The following SLC22A24 variants were observed in gnomAD, a reference collection of about 807,000 sequenced individuals.
SLC22A24 encodes solute carrier family 22 member 24.
A neutral mutation model predicts 49.8 loss-of-function variants in SLC22A24; 53 were observed. The ratio of observed to expected loss-of-function variants is 1.06; its 90% CI spans 0.85 to 1.34. The LOEUF (loss-of-function observed/expected upper bound fraction) is 1.34. Among genes scored for constraint, SLC22A24 ranks in the 40% most tolerant of loss-of-function variants. The pLI is 0.00. For synonymous variants in SLC22A24, 302 were observed against 256.4 expected (o/e 1.18, Z -1.70); for missense variants, 786 against 675.9 (o/e 1.16, Z -1.81).
chr11:63,113,113 C>CATATATATAT lies in SLC22A24; in HGVS notation c.830+5798_830+5799insATATATATAT. 1.3e-3 allele frequency among the ~76,000 whole-genome samples: 6 copies of CATATATATAT among 4,792 alleles called. 1 individual carries two copies. The highest frequency in any genetic ancestry group is 4.6e-3 in the Admixed American group (1 of 218). 3.1% of individuals were successfully genotyped at this position (4,792 alleles called of 152,430 possible). On this transcript the variant is annotated intron_variant, in intron 4 of 9. Coordinates refer to ENST00000612278, the MANE Select transcript of SLC22A24 (RefSeq NM_001136506.2). ...ATACATATATATATACATATATATA[C>CATATATATAT]ACATATATATATACATATATATATA...
rs1163446882 is a variant in SLC22A24, at chr11:63,119,021, A to G, written c.721T>C (p.Tyr241His). ...SMTIMVLLCS[Y>H]SVGQMLLGGL... Reference sequence around the variant, plus strand: ...CCTAGGAGCATCTGCCCAACACTGTAGGAACATAATAGCACCATTATTGTC... The same window carrying G: ...CCTAGGAGCATCTGCCCAACACTGTGGGAACATAATAGCACCATTATTGTC... The change falls in exon 4 of 10, where the codon TAC (tyrosine) becomes CAC (histidine). Residue 241 changes from tyrosine (Y) to histidine (H), a missense_variant. Coordinates refer to ENST00000612278, the MANE Select transcript of SLC22A24 (RefSeq NM_001136506.2). 6.4e-7 allele frequency: 1 copy of G among 1,551,700 alleles called. No homozygotes were observed. The highest frequency in any genetic ancestry group is 1.2e-5 in the South Asian group (1 of 84,062).
rs575288639 is a variant in SLC22A24 at position 63,118,924 on chromosome 11, A to G, written c.818T>C (p.Phe273Ser). The G allele has an allele frequency of 9.7e-5, 151 of 1,552,104 alleles. 3 individuals are homozygous for G. The South Asian group carries it at 1.7e-3, about 18-fold the overall frequency. The change falls in exon 4 of 10, where the codon TTC (phenylalanine) becomes TCC (serine). Residue 273 changes from phenylalanine to serine, a missense_variant. Transcript: ENST00000612278. ...LTVSTPIIVL[F>S]LSSWKMVESA... The stretch of plus-strand genomic sequence containing the variant: ...AGATTGTTCATACCAAGAGGACAAG[A>G]AGAGGACAATTATGGGTGTAGACAC...
chr11:63,102,360 C>T (rs1403800030), intron 5 of SLC22A24, among the ~76,000 whole-genome samples: 1 of 151,976 alleles, frequency 6.6e-6, no homozygotes, highest in African/African-American at 2.4e-5. Flanking sequence ...ACAAGGGGCC[C>T]TCTAAAGAGA....
intron 4 of SLC22A24, among the ~76,000 whole-genome samples, chr11:63,111,759 G>C (rs11231360): frequency 0.79 from 120,402 of 151,970 alleles, 48,885 homozygotes; most frequent in East Asian, 0.9. Flanking sequence ...TATTAGACTT[G>C]CTAGTGGTCT....
intron 4 of SLC22A24, among the ~76,000 whole-genome samples, chr11:63,106,845 G>A (rs1458180085): frequency 2.0e-5 from 3 of 152,106 alleles, no homozygotes; most frequent in Non-Finnish European, 4.4e-5. Context: ...TGTCAGATGA[G>A]TAGGTTGCAA....
chr11:63,138,197 A>G (rs749067493), intron 1 of SLC22A24, among the ~76,000 whole-genome samples: 1 of 152,066 alleles, frequency 6.6e-6, no homozygotes, highest in Non-Finnish European at 1.5e-5. Context: ...TGAGATTTCT[A>G]TGTCTTGTTT....
intron 9 of SLC22A24, among the ~76,000 whole-genome samples, chr11:63,080,646 A>G (rs1191223085): frequency 6.6e-6 from 1 of 152,220 alleles, no homozygotes; most frequent in African/African-American, 2.4e-5. Flanking sequence ...GGCAGAAAGT[A>G]TGTGCCACTC....
Position 63,096,106 on chromosome 11 carries a change from G to A in SLC22A24, c.955C>T (p.Leu319Phe), listed in dbSNP as rs780282441. 6.5e-6 allele frequency: 10 copies of A among 1,540,662 alleles called. No individual in the cohort carries two copies. The highest frequency in any genetic ancestry group is 7.9e-6 in the Non-Finnish European group (9 of 1,137,260). The change falls in exon 6 of 10, where the codon CTT (leucine) becomes TTT (phenylalanine). Residue 319 changes from leucine (L) to phenylalanine (F), a missense_variant and splice_region_variant. Coordinates refer to ENST00000612278, the MANE Select transcript of SLC22A24 (RefSeq NM_001136506.2). ...TCCTTCTTCATGGTGGATCTCACAA[G>A]CTTCAGCAACAAAAATAACAACAAG... is the stretch of plus-strand genomic sequence containing the variant. ...KNTEETLTTE[L>F]VRSTMKKELD...
chr11:63,119,132 G>A (rs2087233233), intron 3 of SLC22A24, 49 bp downstream of exon 3: 2 of 1,526,142 alleles, frequency 1.3e-6, no homozygotes, highest in Non-Finnish European at 1.8e-6. Context: ...GTAATTTCAA[G>A]GTCAATTCAA....
intron 6 of SLC22A24, among the ~76,000 whole-genome samples, chr11:63,095,606 T>C (rs1430065615): frequency 1.3e-5 from 2 of 152,272 alleles, no homozygotes; most frequent in African/African-American, 4.8e-5. Context: ...AATGAGCTTG[T>C]CTGGGTGGTG....
At chr11:63,106,522 T>C (rs907353792) in intron 4 of SLC22A24, among the ~76,000 whole-genome samples, 1 of 152,196 alleles carries the variant, frequency 6.6e-6, no homozygotes, top group Admixed American at 6.5e-5. Context: ...ACTTCCACAA[T>C]GGTTGTCACT....
Position 63,111,165 on chromosome 11 carries a change from A to T in SLC22A24, c.831-6867T>A, listed in dbSNP as rs909788753. On this transcript the variant is annotated intron_variant, in intron 4 of 9. Coordinates refer to ENST00000612278, the MANE Select transcript of SLC22A24 (RefSeq NM_001136506.2). The stretch of plus-strand genomic sequence containing the variant: ...CTGGATTACATTTATTGATTTGTGT[A>T]TGTTGAACCAGCCTTGCATCCCAGG... Among the ~76,000 whole-genome samples the T allele has an allele frequency of 2.1e-3, 322 of 152,102 alleles. 2 individuals are homozygous for T. The highest frequency in any genetic ancestry group is 7.3e-3 in the African/African-American group (303 of 41,508).
At chr11:63,140,086 T>C (rs548550133) in intron 1 of SLC22A24, among the ~76,000 whole-genome samples, 1 of 62,382 alleles carries the variant, frequency 1.6e-5, no homozygotes, top group Non-Finnish European at 4.0e-5. Flanking sequence ...TTTTTTTTTT[T>C]TGTTTTTTTT....
intron 2 of SLC22A24, among the ~76,000 whole-genome samples, chr11:63,126,984 T>A (rs2087295846): frequency 6.6e-6 from 1 of 152,132 alleles, no homozygotes; most frequent in African/African-American, 2.4e-5. Context: ...TACTTGTGAT[T>A]TTTAAAAATT....
At chr11:63,096,894 T>A (rs913935611) in intron 5 of SLC22A24, among the ~76,000 whole-genome samples, 9 of 152,272 alleles carry the variant, frequency 5.9e-5, no homozygotes, top group South Asian at 2.1e-4. Flanking sequence ...TTCTTATCAT[T>A]TAGAAAATGA....
At chr11:63,109,274 C>A (rs917063062) in intron 4 of SLC22A24, among the ~76,000 whole-genome samples, 1 of 144,054 alleles carries the variant, frequency 6.9e-6, no homozygotes, top group Non-Finnish European at 1.5e-5. Context: ...GGTTCCAAGT[C>A]TTTGCTATCG....
intron 5 of SLC22A24, 42 bp from the exon 6 acceptor site, chr11:63,096,148 A>G (rs76405384): frequency 1.6e-5 from 21 of 1,282,210 alleles, no homozygotes; most frequent in Middle Eastern, 1.8e-4. Flanking sequence ...TGAGATGTCA[A>G]TAATGTGTCA....
Position 63,143,489 on chromosome 11 carries a change from C to G in SLC22A24, c.291G>C (p.Gln97His), listed in dbSNP as rs778023107. The G allele has an allele frequency of 5.6e-6, 9 of 1,600,518 alleles. No individual in the cohort carries two copies. Among genetic ancestry groups the G allele is most frequent in the Admixed American group, 1.7e-5 (1 of 58,592 alleles). Reference protein sequence around the residue: ...KCQRFIHPQWQLLHLNGTFPN... With the variant: ...KCQRFIHPQWHLLHLNGTFPN... Reference sequence around the variant, plus strand: ...GGAAGGTCCCGTTCAGGTGAAGGAGCTGCCACTGGGGATGGATAAAGCGCT... The same window carrying G: ...GGAAGGTCCCGTTCAGGTGAAGGAGGTGCCACTGGGGATGGATAAAGCGCT... Residue 97 changes from glutamine (Q) to histidine (H), a missense_variant, in exon 1 of 10, where the codon CAG (glutamine) becomes CAC (histidine). Gln to His is a conservative substitution (Grantham distance 24). Coordinates refer to ENST00000612278, the MANE Select transcript of SLC22A24 (RefSeq NM_001136506.2).
chr11:63,107,454 C>T (rs973559670), intron 4 of SLC22A24, among the ~76,000 whole-genome samples: 7 of 152,030 alleles, frequency 4.6e-5, no homozygotes, highest in Non-Finnish European at 8.8e-5. Flanking sequence ...AGTAGTTTTT[C>T]CCAATTGTGT....
Sources: allele counts gnomAD v4.1 joint callset (sites outside exome capture counted in the v4.1 genomes callset), GRCh38; gene constraint gnomAD v4.1.1; transcripts MANE v1.5; gene names NCBI Gene and HGNC (gene_info 2026-07-23, HGNC 2026-07-21).